Variants in DLGAP2 observed in about 807,000 individuals in gnomAD.
DLGAP2 encodes the protein DLG associated protein 2, also known as disks large-associated protein 2.
Under a neutral mutation model 100.3 loss-of-function variants are expected in DLGAP2, and 26 were observed. The ratio of observed to expected loss-of-function variants is 0.26; its 90% CI spans 0.19 to 0.36. The LOEUF (loss-of-function observed/expected upper bound fraction) is 0.36. Ranked by LOEUF, DLGAP2 falls within the 10% of genes least tolerant of loss-of-function variation. The pLI is 1.00. For missense variants in DLGAP2, 1,858 were observed against 1,453.2 expected (o/e 1.28, Z -4.53); for synonymous variants, 886 against 630.1 (o/e 1.41, Z -6.08).
At chr8:1,699,078 G>A (rs1799496708) in intron 14 of DLGAP2, among the ~76,000 whole-genome samples, 2 of 152,370 alleles carry the variant, frequency 1.3e-5, no homozygotes, top group South Asian at 2.1e-4. Context: ...ATGCTCCTGA[G>A]GGAGAAGGCT....
chr8:1,355,599 A>G (rs1354268282), intron 3 of DLGAP2, among the ~76,000 whole-genome samples: 1 of 152,096 alleles, frequency 6.6e-6, no homozygotes, highest in Non-Finnish European at 1.5e-5. Context: ...TCCTGACCTC[A>G]TGATCCACCT....
chr8:1,228,023 A>G (rs184052774), intron 2 of DLGAP2, among the ~76,000 whole-genome samples: 14 of 152,184 alleles, frequency 9.2e-5, no homozygotes, highest in Admixed American at 9.2e-4. Context: ...TACCTTAAAT[A>G]TACACAATAA....
At chr8:1,244,439 G>A (rs138319502) in intron 2 of DLGAP2, among the ~76,000 whole-genome samples, 1 of 152,356 alleles carries the variant, frequency 6.6e-6, no homozygotes, top group African/African-American at 2.4e-5. Flanking sequence ...TGAGGTTAAA[G>A]TGTTGTAAAA....
chr8:857,341 T>C (rs34373394), intron 1 of DLGAP2, among the ~76,000 whole-genome samples: 19,431 of 152,216 alleles, frequency 0.13, 1,924 homozygotes, highest in East Asian at 0.53. Context: ...AAATTGGACT[T>C]CATTAAAATG....
chr8:1,348,048 C>T (rs1382454488), intron 3 of DLGAP2, among the ~76,000 whole-genome samples: 1 of 145,506 alleles, frequency 6.9e-6, no homozygotes, highest in Non-Finnish European at 1.5e-5. Flanking sequence ...TGAGTTCCCA[C>T]ACAGAGCTGC....
At chr8:1,085,547 T>C (rs1803947764) in intron 2 of DLGAP2, among the ~76,000 whole-genome samples, 1 of 152,212 alleles carries the variant, frequency 6.6e-6, no homozygotes, top group African/African-American at 2.4e-5. Flanking sequence ...CCCGTGTGTA[T>C]TCTCAGCGCC....
chr8:1,432,882 G>C (rs939070108), intron 3 of DLGAP2, among the ~76,000 whole-genome samples: 2 of 152,186 alleles, frequency 1.3e-5, no homozygotes, highest in Non-Finnish European at 2.9e-5. Context: ...GGCCGAGCTG[G>C]GGGCGTCCCC....
chr8:1,674,481 C>T (rs1377787272), intron 10 of DLGAP2, among the ~76,000 whole-genome samples: 2 of 152,212 alleles, frequency 1.3e-5, no homozygotes, highest in Non-Finnish European at 2.9e-5. Flanking sequence ...ACCTCACACA[C>T]TGGTCAGAAT....
chr8:1,104,338 A>C (rs1226448560), intron 2 of DLGAP2, among the ~76,000 whole-genome samples: 6 of 151,848 alleles, frequency 4.0e-5, no homozygotes, highest in Admixed American at 6.6e-5. Flanking sequence ...TACATCACCA[A>C]ATAGTGGAGG....
intron 1 of DLGAP2, among the ~76,000 whole-genome samples, chr8:792,759 G>A (rs986738481): frequency 1.3e-5 from 2 of 152,170 alleles, no homozygotes; most frequent in African/African-American, 2.4e-5. Context: ...CATTTTGTAA[G>A]TTTTGAATGA....
At chr8:1,548,233 G>A (rs1199524073) in intron 4 of DLGAP2, among the ~76,000 whole-genome samples, 1 of 152,096 alleles carries the variant, frequency 6.6e-6, no homozygotes, top group African/African-American at 2.4e-5. Flanking sequence ...GCTGAGGCCA[G>A]TGGATCACCT....
At chr8:1,343,895 C>G (rs181604677) in intron 3 of DLGAP2, among the ~76,000 whole-genome samples, 1 of 152,176 alleles carries the variant, frequency 6.6e-6, no homozygotes, top group South Asian at 2.1e-4. Flanking sequence ...ACGCTTCTCA[C>G]GGGTGCGAGC....
intron 1 of DLGAP2, among the ~76,000 whole-genome samples, chr8:783,362 C>T (rs183441349): frequency 7.9e-5 from 12 of 152,234 alleles, no homozygotes; most frequent in African/African-American, 2.9e-4. Context: ...TGTCTTGGTT[C>T]TGGTCTTTTG....
chr8:1,170,284 C>T (rs1319803956), intron 2 of DLGAP2, among the ~76,000 whole-genome samples: 1 of 152,044 alleles, frequency 6.6e-6, no homozygotes, highest in Non-Finnish European at 1.5e-5. Flanking sequence ...ATTCGTTTTG[C>T]CAGTATTTTA....
At chr8:1,064,901 G>C (rs537979692) in intron 2 of DLGAP2, among the ~76,000 whole-genome samples, 62 of 152,272 alleles carry the variant, frequency 4.1e-4, no homozygotes, top group African/African-American at 1.4e-3. Flanking sequence ...ATCCGTTTAA[G>C]GAACAGTGAA....
chr8:834,599 C>T (rs1796839005), intron 1 of DLGAP2, among the ~76,000 whole-genome samples: 1 of 152,156 alleles, frequency 6.6e-6, no homozygotes, highest in African/African-American at 2.4e-5. Context: ...TTAAAACACT[C>T]TGTCTTCCTT....
chr8:1,683,983 TATATA>T (rs1799044567), intron 12 of DLGAP2, among the ~76,000 whole-genome samples: 1 of 119,920 alleles, frequency 8.3e-6, no homozygotes, highest in African/African-American at 3.4e-5. Flanking sequence ...TATATATATA[TATATA>T]CTTTTTTTTT....
chr8:1,158,939 T>G (rs1796841797), intron 2 of DLGAP2, among the ~76,000 whole-genome samples: 1 of 152,336 alleles, frequency 6.6e-6, no homozygotes, highest in Non-Finnish European at 1.5e-5. Context: ...CAAAGGAAAC[T>G]TGCATGGACT....
In DLGAP2 at chr8:1,204,623, C is replaced by T. The variant is rs551229692; in HGVS notation, c.74-54228C>T. 2.0e-5 allele frequency among the ~76,000 whole-genome samples: 3 copies of T among 152,296 alleles called. No individual in the cohort carries two copies. The East Asian group carries it at 5.8e-4, about 29-fold the overall frequency. On this transcript the variant is annotated intron_variant, in intron 2 of 14. Coordinates refer to ENST00000637795, the MANE Select transcript of DLGAP2 (RefSeq NM_001346810.2). ...AGGCCTGAAGGACAGGAGAGACAGG[C>T]TGGGAACTGCATGTTGGCTGATTCG...
Sources: allele counts gnomAD v4.1 joint callset (sites outside exome capture counted in the v4.1 genomes callset), GRCh38; gene constraint gnomAD v4.1.1; transcripts MANE v1.5; gene names NCBI Gene and HGNC (gene_info 2026-07-23, HGNC 2026-07-21).